RELB: variants seen among roughly 807,000 people sequenced by gnomAD.
The protein encoded by RELB is RELB proto-oncogene, NF-kB subunit, also known as transcription factor RelB.
In RELB, 14 loss-of-function variants were observed where a neutral mutation model predicts 55.4. That is an observed-to-expected ratio of 0.25 (90% confidence interval 0.17 to 0.40). The LOEUF is 0.40. RELB is among the 10% of genes least tolerant of loss of function. The probability of loss-of-function intolerance (pLI) is 1.00; values close to 1 mark genes in which losing one functional copy is unlikely to be tolerated. For synonymous variants in RELB, 409 were observed against 371.3 expected (o/e 1.10, Z -1.17); for missense variants, 669 against 830.7 (o/e 0.81, Z 2.39).
intron 1 of RELB, 120 bp downstream of exon 1, chr19:45,001,805 G>A (rs1971213938): frequency 1.7e-6 from 1 of 588,568 alleles, no homozygotes; most frequent in South Asian, 2.2e-5. Context: ...CGGGGGCAGA[G>A]TGAGGGTTCC....
Position 45,025,370 on chromosome 19 carries a change from T to C in RELB, c.704T>C (p.Ile235Thr), listed in dbSNP as rs1005701910. ...ATCCAGTGTGTGAGGAAGAAGGAGA[T>C]TGAGGCTGCCATTGAGCGGAAGATT... ...LGIQCVRKKE[I>T]EAAIERKIQL... Residue 235 changes from isoleucine (I) to threonine (T), a missense_variant, in exon 6 of 12, where the codon ATT (isoleucine) becomes ACT (threonine). By Grantham distance (89) the Ile-to-Thr change is moderately conservative. Transcript: ENST00000221452. 6.8e-6 allele frequency: 11 copies of C among 1,612,954 alleles called. No individual in the cohort carries two copies. The Admixed American group carries it at 1.2e-4, about 17-fold the overall frequency.
At chr19:45,009,877 A>T in intron 3 of RELB, 55 bp downstream of exon 3, 3 of 1,459,442 alleles carry the variant, frequency 2.1e-6, no homozygotes, top group Non-Finnish European at 2.8e-6. Flanking sequence ...GTGCCTACAG[A>T]AGGGGGTCTT....
chr19:45,032,656 G>T lies in RELB; in HGVS notation c.1114G>T (p.Val372Phe), dbSNP rs749105163. 1.9e-6 allele frequency: 3 copies of T among 1,612,228 alleles called. No individual in the cohort carries two copies. Among genetic ancestry groups the T allele is most frequent in the Non-Finnish European group, 2.5e-6 (3 of 1,179,312 alleles). The change falls in exon 9 of 12, where the codon GTC becomes TTC. Residue 372 changes from valine to phenylalanine, a missense_variant. Physicochemically the swap from Val to Phe is conservative, Grantham distance 50. This residue lies in a region of RELB where 341 missense variants were observed against 436.8 expected (regional missense o/e 0.78). Coordinates refer to ENST00000221452, the MANE Select transcript of RELB (RefSeq NM_006509.4). ...KTPPYEDLEI[V>F]EPVTVNVFLQ... The stretch of plus-strand genomic sequence containing the variant: ...GCCGCCCTACGAGGACCTGGAGATT[G>T]TCGAGCCCGTGACAGTCAACGTCTT...
At position 45,002,477 on chromosome 19, in the gene RELB, C is replaced by T. The variant is rs191580245; in HGVS notation, c.107-472C>T. Among the ~76,000 whole-genome samples the T allele has an allele frequency of 3.8e-3, 584 of 152,240 alleles. 5 individuals are homozygous for T. The highest frequency in any genetic ancestry group is 0.013 in the African/African-American group (558 of 41,544). On this transcript the variant is annotated intron_variant, in intron 1 of 11. Transcript: ENST00000221452. ...AAGCAGTTCTCCTGCCTCAGCCCCCCGAGTAGCTGGAATTACAGGTGCCCG... is the reference window on the plus strand; with the variant it reads ...AAGCAGTTCTCCTGCCTCAGCCCCCTGAGTAGCTGGAATTACAGGTGCCCG...
At chr19:45,020,618 C>G (rs1039707501) in intron 4 of RELB, among the ~76,000 whole-genome samples, 3 of 130,112 alleles carry the variant, frequency 2.3e-5, no homozygotes, top group African/African-American at 9.0e-5. Context: ...AGTGCAGTGG[C>G]GCGATCTTGG....
Position 45,001,574 on chromosome 19 carries a change from G to A in RELB, c.-6G>A. On this transcript the variant is annotated 5_prime_UTR_variant, in exon 1 of 12. Coordinates refer to ENST00000221452, the MANE Select transcript of RELB (RefSeq NM_006509.4). Reference sequence around the variant, plus strand: ...TGCCTCCCGGCCGCCCGGCCGGCCCGCGTGCATGCTTCGGTCTGGGCCAGC... The same window carrying A: ...TGCCTCCCGGCCGCCCGGCCGGCCCACGTGCATGCTTCGGTCTGGGCCAGC... 1 of 1,449,716 alleles carries A rather than the reference G, an allele frequency of 6.9e-7. No individual in the cohort carries two copies. Among genetic ancestry groups the A allele is most frequent in the Non-Finnish European group, 9.1e-7 (1 of 1,104,946 alleles). The allele number at this position is 1,449,716 out of a possible 1,614,324, so 89.8% of individuals were successfully genotyped here. A position where few individuals can be genotyped will look rare whatever the true frequency, so the allele number is the denominator to read the frequency against.
intron 4 of RELB, among the ~76,000 whole-genome samples, chr19:45,012,755 AAAAG>A (rs1243399795): frequency 6.6e-6 from 1 of 150,908 alleles, no homozygotes; most frequent in Non-Finnish European, 1.5e-5. Context: ...AGAAAAAAAA[AAAAG>A]AAGGCAGATC....
intron 1 of RELB, among the ~76,000 whole-genome samples, chr19:45,002,102 T>TC (rs1354066461): frequency 1.1e-4 from 1 of 9,516 alleles, no homozygotes; most frequent in East Asian, 3.3e-3. Flanking sequence ...CGCTGAGGGG[T>TC]GAGGGGGCGG....
chr19:45,002,527 A>G (rs1411013017), intron 1 of RELB, among the ~76,000 whole-genome samples: 1 of 151,954 alleles, frequency 6.6e-6, no homozygotes, highest in Non-Finnish European at 1.5e-5. Context: ...TAATTTTTGT[A>G]GTTTTACTAG....
At chr19:45,029,642 G>A (rs562844449) in intron 8 of RELB, among the ~76,000 whole-genome samples, 313 of 152,160 alleles carry the variant, frequency 2.1e-3, no homozygotes, top group Non-Finnish European at 3.7e-3. Flanking sequence ...CTGAGGTCAG[G>A]AGTTCGACAC....
In RELB at chr19:45,012,102, C is replaced by G; in HGVS notation, c.330C>G (p.Pro110=). 6.4e-7 allele frequency: 1 copy of G among 1,556,300 alleles called. No individual in the cohort carries two copies. The highest frequency in any genetic ancestry group is 8.6e-7 in the Non-Finnish European group (1 of 1,158,174). The stretch of plus-strand genomic sequence containing the variant: ...CCACGCCGCCGCCTTGGGGCTGCCC[C>G]CTGGGCCGACTAGTGTCCCCAGCGC... ...PPATPPPWGC[P]LGRLVSPAPG... Residue 110 remains proline (P), a synonymous_variant, in exon 4 of 12, where the codon CCC becomes CCG. Coordinates refer to ENST00000221452, the MANE Select transcript of RELB (RefSeq NM_006509.4).
rs772890727 is a variant in RELB, at chr19:45,037,630, A to C, written c.1580A>C (p.Glu527Ala). The C allele has an allele frequency of 5.6e-6, 9 of 1,601,240 alleles. No homozygotes were observed. The highest frequency in any genetic ancestry group is 7.7e-6 in the Non-Finnish European group (9 of 1,174,696). ...CSGGAGAVVG[E>A]TPGPEPLTLD... ...GGAGGTGCCGGGGCCGTGGTTGGGG[A>C]GACCCCCGGCCCTGAACCACTGACA... Residue 527 changes from glutamate (E) to alanine (A), a missense_variant, in exon 12 of 12, where the codon GAG (glutamate) becomes GCG (alanine). This residue lies in a region of RELB where 341 missense variants were observed against 436.8 expected (regional missense o/e 0.78). Transcript: ENST00000221452.
chr19:45,011,867 C>A (rs1157896484), intron 3 of RELB, 69 bp from the exon 4 acceptor site: 7 of 934,976 alleles, frequency 7.5e-6, no homozygotes, highest in Non-Finnish European at 1.0e-5. Flanking sequence ...CGGGGGTAAT[C>A]AAGCCTTTTT....
chr19:45,029,195 T>A lies in RELB; in HGVS notation c.991+203T>A, dbSNP rs527669752. On this transcript the variant is annotated intron_variant, in intron 8 of 11. Transcript: ENST00000221452. The stretch of plus-strand genomic sequence containing the variant: ...TGAGTCGCCTTCTCACCCGTCTGCG[T>A]AGGACGACAGAGACTCGTCTGTGGT... Among the ~76,000 whole-genome samples, 4 of 152,316 alleles carry A rather than the reference T, an allele frequency of 2.6e-5. No individual in the cohort carries two copies. In the South Asian group the frequency reaches 8.3e-4, roughly 32 times the overall value.
At chr19:45,011,615 C>T (rs1251976589) in intron 3 of RELB, among the ~76,000 whole-genome samples, 6 of 151,542 alleles carry the variant, frequency 4.0e-5, no homozygotes, top group Non-Finnish European at 5.9e-5. Context: ...GGAGACCATT[C>T]GGGCTAATTT....
intron 1 of RELB, 75 bp from the exon 2 acceptor site, chr19:45,002,873 TG>T (rs1438452280): frequency 3.2e-6 from 4 of 1,264,918 alleles, no homozygotes; most frequent in Non-Finnish European, 3.4e-6. Context: ...GAGGAAGGGG[TG>T]GGGCTTCCTT....
At position 45,033,750 on chromosome 19, in the gene RELB, T is replaced by C. The variant is rs183915070; in HGVS notation, c.1208-494T>C. On this transcript the variant is annotated intron_variant, in intron 9 of 11. Transcript: ENST00000221452. Reference sequence around the variant, plus strand: ...TAGAGACCGGGTTTCGCCGTGTTGGTCAGGCTGGTCTCGGACTCCTGACCT... The same window carrying C: ...TAGAGACCGGGTTTCGCCGTGTTGGCCAGGCTGGTCTCGGACTCCTGACCT... Among the ~76,000 whole-genome samples, 1,063 of 150,224 alleles carry C rather than the reference T, an allele frequency of 7.1e-3. 10 individuals are homozygous for C. Among genetic ancestry groups the C allele is most frequent in the African/African-American group, 0.024 (985 of 41,068 alleles).
At chr19:45,021,100 G>A (rs937684339) in intron 4 of RELB, among the ~76,000 whole-genome samples, 165 of 152,130 alleles carry the variant, frequency 1.1e-3, no homozygotes, top group African/African-American at 3.8e-3. Context: ...CCTTGAGCCC[G>A]GAGGCGGAGG....
chr19:45,005,147 G>T (rs752978932), intron 2 of RELB, among the ~76,000 whole-genome samples: 7 of 152,114 alleles, frequency 4.6e-5, no homozygotes, highest in Non-Finnish European at 1.0e-4. Flanking sequence ...CTCCAGCCTG[G>T]GTGACAGAGC....
Sources: gnomAD v4.1 joint callset for allele counts (sites outside exome capture counted in the v4.1 genomes callset) on GRCh38, gnomAD v4.1.1 for gene constraint, gnomAD v4.1.1 regional missense constraint, MANE v1.5 for transcripts, NCBI Gene and HGNC (gene_info 2026-07-23, HGNC 2026-07-21) for gene names.